Variants in GLG1 observed in about 807,000 individuals in gnomAD.
GLG1 encodes the protein golgi glycoprotein 1, also known as Golgi apparatus protein 1.
In GLG1, 38 loss-of-function variants were observed where a neutral mutation model predicts 160.5. The observed-to-expected ratio is 0.24, with a 90% CI of 0.18 to 0.31. GLG1 has a LOEUF of 0.31. Ranked by LOEUF, GLG1 falls within the 10% of genes least tolerant of loss-of-function variation. GLG1 has a pLI of 1.00. For synonymous variants in GLG1, 644 were observed against 543.4 expected, an observed-to-expected ratio of 1.19 and a Z score of -2.57; for missense variants, 1,373 against 1,505.2, an observed-to-expected ratio of 0.91 and a Z score of 1.45.
chr16:74,480,743 A>T (rs1265447762), intron 10 of GLG1, among the ~76,000 whole-genome samples: 1 of 151,938 alleles, frequency 6.6e-6, no homozygotes, highest in African/African-American at 2.4e-5. Context: ...GGTAGAACAG[A>T]GTCTCGCCAT....
chr16:74,485,468 C>T (rs969545017), intron 9 of GLG1, among the ~76,000 whole-genome samples: 3 of 152,184 alleles, frequency 2.0e-5, no homozygotes, highest in African/African-American at 7.2e-5. Context: ...AAAGTATGTA[C>T]CACCTATCCT....
intron 16 of GLG1, chr16:74,469,711 C>G: frequency 2.2e-6 from 1 of 450,410 alleles, no homozygotes; most frequent in South Asian, 2.9e-5. Context: ...TCTCTAAGTA[C>G]ACAATCCAGC....
chr16:74,454,455 C>G (rs978521694), intron 25 of GLG1, among the ~76,000 whole-genome samples: 1 of 151,314 alleles, frequency 6.6e-6, no homozygotes, highest in East Asian at 2.0e-4. Context: ...ACCATGAAGT[C>G]AGGAGTTCAA....
At chr16:74,550,799 A>AC (rs1324285832) in intron 1 of GLG1, among the ~76,000 whole-genome samples, 1 of 151,808 alleles carries the variant, frequency 6.6e-6, no homozygotes, top group Non-Finnish European at 1.5e-5. Context: ...TAAAGGTGAA[A>AC]TATACAGAAA....
At chr16:74,512,350 G>GC (rs559506005) in intron 2 of GLG1, among the ~76,000 whole-genome samples, 2 of 141,698 alleles carry the variant, frequency 1.4e-5, no homozygotes, top group East Asian at 2.1e-4. Flanking sequence ...TGCAACCTCC[G>GC]CCCCCCGGGT....
At chr16:74,594,616 A>AC (rs1172604754) in intron 1 of GLG1, among the ~76,000 whole-genome samples, 1 of 152,214 alleles carries the variant, frequency 6.6e-6, no homozygotes, top group Admixed American at 6.6e-5. Flanking sequence ...AAGATGAGTC[A>AC]CTAACTGACC....
At chr16:74,526,008 G>A (rs1444324311) in intron 2 of GLG1, among the ~76,000 whole-genome samples, 1 of 152,072 alleles carries the variant, frequency 6.6e-6, no homozygotes, top group African/African-American at 2.4e-5. Flanking sequence ...TAGAGACAGA[G>A]CAAGACTCCA....
chr16:74,469,695 C>T, intron 16 of GLG1: 1 of 408,818 alleles, frequency 2.4e-6, no homozygotes, highest in Non-Finnish European at 4.5e-6. Context: ...CACACTGCAC[C>T]CTGCTTCTCT....
rs1359624430 is a variant in GLG1 at position 74,474,538 on chromosome 16, C to A, written c.2052+8G>T. The A allele has an allele frequency of 7.5e-7, 1 of 1,340,766 alleles. No individual in the cohort carries two copies. The highest frequency in any genetic ancestry group is 1.1e-6 in the Non-Finnish European group (1 of 930,326). The allele number at this position is 1,340,766 out of a possible 1,614,324, so 83.1% of individuals were successfully genotyped here. A position where few individuals can be genotyped will look rare whatever the true frequency, so the allele number is the denominator to read the frequency against. Reference sequence around the variant, plus strand: ...TCTCCTCCAATGAGTAAGCTGCATACCACTTACCTCTGATTCTAACTCAGT... The same window carrying A: ...TCTCCTCCAATGAGTAAGCTGCATAACACTTACCTCTGATTCTAACTCAGT... On this transcript the variant is annotated splice_region_variant and intron_variant, in intron 13 of 25. Coordinates refer to ENST00000422840, the MANE Select transcript of GLG1 (RefSeq NM_001145667.2).
At chr16:74,511,594 AAAAAAAAAG>A (rs2016808492) in intron 2 of GLG1, among the ~76,000 whole-genome samples, 1 of 150,574 alleles carries the variant, frequency 6.6e-6, no homozygotes, top group Non-Finnish European at 1.5e-5. Context: ...TTAAAAAAAA[AAAAAAAAAG>A]AAAGAAAGAA....
chr16:74,539,539 A>C (rs1016616234), intron 1 of GLG1, among the ~76,000 whole-genome samples: 3 of 148,130 alleles, frequency 2.0e-5, no homozygotes, highest in Non-Finnish European at 3.0e-5. Flanking sequence ...AATTAGCAGA[A>C]TGACTCAGAG....
In GLG1 at chr16:74,461,970, T is replaced by G. The variant is rs986038980; in HGVS notation, c.3036+124A>C. ...ACAGGAATGCAGACCATGGAGAGCCTAGAAGATGGCCTTCAATTCACCAGA... is the reference window on the plus strand; with the variant it reads ...ACAGGAATGCAGACCATGGAGAGCCGAGAAGATGGCCTTCAATTCACCAGA... On this transcript the variant is annotated intron_variant, in intron 22 of 25. Transcript: ENST00000422840. The G allele has an allele frequency of 1.3e-5, 8 of 618,126 alleles. No homozygotes were observed. In the East Asian group the frequency reaches 1.9e-4, roughly 15 times the overall value. The allele number at this position is 618,126 out of a possible 1,614,324, so 38.3% of individuals were successfully genotyped here.
At chr16:74,572,171 T>C (rs2018847613) in intron 1 of GLG1, among the ~76,000 whole-genome samples, 1 of 152,106 alleles carries the variant, frequency 6.6e-6, no homozygotes, top group African/African-American at 2.4e-5. Flanking sequence ...GAAGGTTAAG[T>C]TGATCACCAA....
intron 16 of GLG1, 63 bp downstream of exon 16, chr16:74,469,922 T>C: frequency 1.9e-6 from 2 of 1,036,356 alleles, no homozygotes; most frequent in South Asian, 1.3e-5. Context: ...ACATCTCGCA[T>C]ACTCATTCCG....
At chr16:74,467,333 TCTG>T (rs1441686775) in intron 18 of GLG1, among the ~76,000 whole-genome samples, 11 of 152,210 alleles carry the variant, frequency 7.2e-5, no homozygotes, top group Non-Finnish European at 1.5e-4. Flanking sequence ...GGGTCCTGCT[TCTG>T]TCTATTAAAA....
intron 2 of GLG1, among the ~76,000 whole-genome samples, chr16:74,509,838 G>A (rs1169313826): frequency 1.1e-4 from 16 of 147,382 alleles, no homozygotes; most frequent in Non-Finnish European, 1.0e-4. Context: ...AACAGAGCAA[G>A]ACTCTGTCTC....
intron 23 of GLG1, chr16:74,458,288 T>A (rs1297194343): frequency 7.6e-6 from 2 of 262,244 alleles, no homozygotes; most frequent in East Asian, 7.1e-5. Context: ...CGTATCATTT[T>A]AAAATACCTA....
In GLG1 at chr16:74,451,686, T is replaced by C; in HGVS notation, c.*1481A>G. The C allele has an allele frequency of 4.0e-6, 1 of 250,614 alleles. No homozygotes were observed. The allele number at this position is 250,614 out of a possible 1,614,324, so 15.5% of individuals were successfully genotyped here. A position where few individuals can be genotyped will look rare whatever the true frequency, so the allele number is the denominator to read the frequency against. On this transcript the variant is annotated 3_prime_UTR_variant, in exon 26 of 26. Coordinates refer to ENST00000422840, the MANE Select transcript of GLG1 (RefSeq NM_001145667.2). Reference sequence around the variant, plus strand: ...TATATTACATAAATGTCTCTCCTACTGTACACACTGCTCTCTTGTGCAGCC... The same window carrying C: ...TATATTACATAAATGTCTCTCCTACCGTACACACTGCTCTCTTGTGCAGCC...
chr16:74,467,685 A>T, intron 18 of GLG1, 71 bp downstream of exon 18: 3 of 1,048,034 alleles, frequency 2.9e-6, no homozygotes, highest in Non-Finnish European at 3.0e-6. Flanking sequence ...TATGGGCACT[A>T]GCTTTTGAGA....
Sources: gnomAD v4.1 joint callset for allele counts (sites outside exome capture counted in the v4.1 genomes callset) on GRCh38, gnomAD v4.1.1 for gene constraint, MANE v1.5 for transcripts, NCBI Gene and HGNC (gene_info 2026-07-23, HGNC 2026-07-21) for gene names.